GLI2: variants seen among roughly 807,000 people sequenced by gnomAD.
GLI2 encodes the protein GLI family zinc finger 2.
Under a neutral mutation model 78.9 loss-of-function variants are expected in GLI2, and 22 were observed. The ratio of observed to expected loss-of-function variants is 0.28; its 90% CI spans 0.20 to 0.40. The LOEUF (loss-of-function observed/expected upper bound fraction) is 0.40. GLI2 is among the 10% of genes least tolerant of loss of function. GLI2 has a pLI of 1.00. For missense variants in GLI2, 2,097 were observed against 2,213.2 expected, an observed-to-expected ratio of 0.95 and a Z score of 1.05; for synonymous variants, 974 against 963.7, an observed-to-expected ratio of 1.01 and a Z score of -0.20.
At chr2:120,979,024 G>A (rs1216819945) in intron 10 of GLI2, among the ~76,000 whole-genome samples, 1 of 152,178 alleles carries the variant, frequency 6.6e-6, no homozygotes, top group Non-Finnish European at 1.5e-5. Flanking sequence ...TTTTGAGACA[G>A]AGTCTCACTT....
intron 2 of GLI2, chr2:120,866,896 C>T (rs909695644): frequency 2.0e-5 from 3 of 152,176 alleles, no homozygotes; most frequent in Admixed American, 6.5e-5. Context: ...GGGTTCAGAT[C>T]CCCCCATGAC....
At chr2:120,882,764 C>T (rs1677215320) in intron 2 of GLI2, among the ~76,000 whole-genome samples, 1 of 152,224 alleles carries the variant, frequency 6.6e-6, no homozygotes, top group South Asian at 2.1e-4. Flanking sequence ...CTGGTTTGGT[C>T]TCACATCTGG....
chr2:120,984,512 C>T lies in GLI2; in HGVS notation c.1674C>T (p.Tyr558=), dbSNP rs780211949. 11 of 1,614,230 alleles carry T rather than the reference C, an allele frequency of 6.8e-6. No individual in the cohort carries two copies. Among genetic ancestry groups the T allele is most frequent in the Non-Finnish European group, 8.5e-6 (10 of 1,180,030 alleles). ...ICKIPGCTKR[Y]TDPSSLRKHV... The stretch of plus-strand genomic sequence containing the variant: ...AGATCCCAGGCTGCACCAAGAGATA[C>T]ACAGACCCCAGCTCTCTCCGGAAGC... The change falls in exon 12 of 14, where the codon TAC becomes TAT. Residue 558 remains tyrosine (Y), a synonymous_variant. Coordinates refer to ENST00000361492, the MANE Select transcript of GLI2 (RefSeq NM_001374353.1).
rs13387979 is a variant in GLI2 at position 120,969,206 on chromosome 2, T to G, written c.845+291T>G. On this transcript the variant is annotated intron_variant, in intron 6 of 13. Coordinates refer to ENST00000361492, the MANE Select transcript of GLI2 (RefSeq NM_001374353.1). The stretch of plus-strand genomic sequence containing the variant: ...ATGGTTTTCCTAGTATTTCACTGAA[T>G]TTGGTGGAGCAGCCAAGTATTGGCC... Among the ~76,000 whole-genome samples, 5,635 of 152,368 alleles carry G rather than the reference T, an allele frequency of 0.037. 126 individuals are homozygous for G. Among genetic ancestry groups the G allele is most frequent in the Middle Eastern group, 0.061 (18 of 294 alleles).
At chr2:120,913,767 C>T (rs1262972157) in intron 2 of GLI2, among the ~76,000 whole-genome samples, 1 of 152,202 alleles carries the variant, frequency 6.6e-6, no homozygotes, top group East Asian at 1.9e-4. Context: ...TGGCTGATTC[C>T]GCTGCCCGGT....
intron 7 of GLI2, among the ~76,000 whole-genome samples, chr2:120,970,838 T>A (rs1208054137): frequency 6.6e-6 from 1 of 152,158 alleles, no homozygotes; most frequent in Non-Finnish European, 1.5e-5. Context: ...GCATAATAAG[T>A]AGATGGAGAA....
chr2:120,909,587 C>T (rs184872929), intron 2 of GLI2, among the ~76,000 whole-genome samples: 39 of 152,204 alleles, frequency 2.6e-4, no homozygotes, highest in African/African-American at 7.5e-4. Context: ...CACTTTAGGC[C>T]GGGCGTGGTG....
intron 2 of GLI2, among the ~76,000 whole-genome samples, chr2:120,835,471 C>T (rs1053451433): frequency 1.3e-5 from 2 of 151,746 alleles, no homozygotes; most frequent in African/African-American, 2.4e-5. Context: ...GTGCAACCCC[C>T]GTCTCCTGGG....
intron 5 of GLI2, among the ~76,000 whole-genome samples, chr2:120,962,503 A>T (rs1006453119): frequency 6.6e-6 from 1 of 152,198 alleles, no homozygotes; most frequent in Non-Finnish European, 1.5e-5. Flanking sequence ...TGAATGAGCA[A>T]CAGAAAGCGC....
chr2:120,837,572 G>C (rs569476173), intron 2 of GLI2, among the ~76,000 whole-genome samples: 1 of 152,012 alleles, frequency 6.6e-6, no homozygotes, highest in East Asian at 1.9e-4. Flanking sequence ...TATTTTAGGA[G>C]GTTCTTTCTG....
rs1403036449 is a variant in GLI2 at position 120,916,036 on chromosome 2, G to A, written c.149-11325G>A. Among the ~76,000 whole-genome samples the A allele has an allele frequency of 2.6e-5, 4 of 152,178 alleles. No individual in the cohort carries two copies. In the South Asian group the frequency reaches 6.2e-4, roughly 24 times the overall value. ...ACTGGGAACTATGGAGCCACAGCAA[G>A]TGTGGAAATGCCAAAGGGCCTGTGA... On this transcript the variant is annotated intron_variant, in intron 2 of 13. Coordinates refer to ENST00000361492, the MANE Select transcript of GLI2 (RefSeq NM_001374353.1).
chr2:120,812,089 T>C (rs1219006705), intron 2 of GLI2, among the ~76,000 whole-genome samples: 3 of 152,196 alleles, frequency 2.0e-5, no homozygotes, highest in African/African-American at 7.2e-5. Context: ...TCAGCCTTCC[T>C]TGAGACAGGA....
rs115915975 is a variant in GLI2 at position 120,826,748 on chromosome 2, C to T, written c.148+29280C>T. On this transcript the variant is annotated intron_variant, in intron 2 of 13. Transcript: ENST00000361492. ...GATTCCAATGCCTATGGCCTCTTGA[C>T]CCCAGGCCTTTCGGGAATGATTTGA... is the stretch of plus-strand genomic sequence containing the variant. 1.8e-3 allele frequency among the ~76,000 whole-genome samples: 275 copies of T among 152,308 alleles called. 1 individual carries two copies. Among genetic ancestry groups the T allele is most frequent in the African/African-American group, 6.0e-3 (250 of 41,560 alleles).
intron 6 of GLI2, among the ~76,000 whole-genome samples, chr2:120,969,564 GC>G (rs2105016324): frequency 6.6e-6 from 1 of 152,384 alleles, no homozygotes; most frequent in Admixed American, 6.5e-5. Flanking sequence ...CCAACGCATA[GC>G]AGTTTAAAAC....
intron 2 of GLI2, among the ~76,000 whole-genome samples, chr2:120,910,228 G>A (rs773891909): frequency 1.3e-5 from 2 of 152,302 alleles, no homozygotes; most frequent in South Asian, 2.1e-4. Flanking sequence ...GGGGCCTCCC[G>A]GTGGTCAGCA....
chr2:120,866,949 G>T lies in GLI2; in HGVS notation c.149-60412G>T, dbSNP rs968583409. Among the ~76,000 whole-genome samples, 3 of 152,164 alleles carry T rather than the reference G, an allele frequency of 2.0e-5. No homozygotes were observed. In the East Asian group the frequency reaches 5.8e-4, roughly 29 times the overall value. On this transcript the variant is annotated intron_variant, in intron 2 of 13. Coordinates refer to ENST00000361492, the MANE Select transcript of GLI2 (RefSeq NM_001374353.1). ...CACCTTCACCTGCACTGCCCGCAGG[G>T]ACTCCACTTCCAGGCTCTGCAGCTC... is the stretch of plus-strand genomic sequence containing the variant.
At chr2:120,742,827 C>T (rs74765212) in intron 1 of GLI2, among the ~76,000 whole-genome samples, 1,669 of 152,212 alleles carry the variant, frequency 0.011, 21 homozygotes, top group African/African-American at 0.038. Flanking sequence ...TTTTAGCTGC[C>T]ATCATGAATT....
intron 2 of GLI2, among the ~76,000 whole-genome samples, chr2:120,811,990 G>C (rs754274157): frequency 2.0e-5 from 3 of 152,154 alleles, no homozygotes; most frequent in Non-Finnish European, 4.4e-5. Context: ...TTCTAGTTGG[G>C]AGACACAGGC....
chr2:120,854,315 C>T (rs1480847877), intron 2 of GLI2, among the ~76,000 whole-genome samples: 2 of 152,322 alleles, frequency 1.3e-5, no homozygotes, highest in Admixed American at 1.3e-4. Context: ...CCTGTCAGTT[C>T]ACCTCCATCC....
Sources: gnomAD v4.1 joint callset for allele counts (sites outside exome capture counted in the v4.1 genomes callset) on GRCh38, gnomAD v4.1.1 for gene constraint, MANE v1.5 for transcripts, NCBI Gene and HGNC (gene_info 2026-07-23, HGNC 2026-07-21) for gene names.